Variants in ZNF461 observed in about 807,000 individuals in gnomAD.
The protein encoded by ZNF461 is zinc finger protein 461, also known as gonadotropin-inducible ovarian transcription factor-1.
ZNF461 carries 16 observed loss-of-function variants against 18.3 expected under a neutral mutation model. That is an observed-to-expected ratio of 0.88 (90% confidence interval 0.59 to 1.33). The LOEUF (loss-of-function observed/expected upper bound fraction) is 1.33, where lower values mean the gene tolerates loss of function less well. ZNF461 is among the 40% of genes most tolerant of loss of function. The pLI is 0.00. For missense variants in ZNF461, 595 were observed against 669.9 expected (o/e 0.89, Z 1.23); for synonymous variants, 179 against 216.9 (o/e 0.83, Z 1.54).
At chr19:36,657,355 C>A (rs143910171) in intron 3 of ZNF461, among the ~76,000 whole-genome samples, 1 of 151,848 alleles carries the variant, frequency 6.6e-6, no homozygotes, top group African/African-American at 2.4e-5. Context: ...GTGGCGGGCA[C>A]CTGTAATCCC....
In ZNF461 at chr19:36,643,863, C is replaced by G. The variant is rs532093520; in HGVS notation, c.233-1G>C. On this transcript the variant is annotated splice_acceptor_variant, in intron 4 of 5. Coordinates refer to ENST00000588268, the MANE Select transcript of ZNF461 (RefSeq NM_153257.5). LOFTEE classifies it high-confidence loss of function. ...TGAAATCCCCAAGTTTTCCATGTAC[C>G]TACATGGAAACAAAAGAATAAATAC... 2.7e-6 allele frequency: 4 copies of G among 1,508,636 alleles called. No homozygotes were observed. Among genetic ancestry groups the G allele is most frequent in the East Asian group, 2.5e-5 (1 of 39,760 alleles). The allele number at this position is 1,508,636 out of a possible 1,614,324, so 93.5% of individuals were successfully genotyped here.
chr19:36,644,354 C>T (rs2037483300), intron 4 of ZNF461, among the ~76,000 whole-genome samples: 1 of 151,668 alleles, frequency 6.6e-6, no homozygotes, highest in Admixed American at 6.6e-5. Flanking sequence ...CTGCAACCTC[C>T]ACTTCCCAGG....
intron 1 of ZNF461, among the ~76,000 whole-genome samples, chr19:36,666,180 C>T (rs1463784111): frequency 1.3e-5 from 2 of 151,592 alleles, no homozygotes; most frequent in East Asian, 1.9e-4. Context: ...CAGCAACCTC[C>T]GCCTCCCGGG....
intron 3 of ZNF461, among the ~76,000 whole-genome samples, chr19:36,656,876 A>G (rs572361498): frequency 1.3e-5 from 2 of 151,236 alleles, no homozygotes; most frequent in Non-Finnish European, 2.9e-5. Context: ...CTGGAGTGCA[A>G]TGGCACAATC....
intron 2 of ZNF461, among the ~76,000 whole-genome samples, chr19:36,664,491 A>T (rs2037869331): frequency 6.6e-6 from 1 of 151,810 alleles, no homozygotes; most frequent in Non-Finnish European, 1.5e-5. Flanking sequence ...GGGAGGCTGA[A>T]GTGGGAGAAT....
chr19:36,640,055 G>T lies in ZNF461; in HGVS notation c.302-12C>A. The T allele has an allele frequency of 6.3e-7, 1 of 1,584,300 alleles. No homozygotes were observed. ...TCTGGATGCCAAGTCTGAAAGATAAGAAATATATTTTAACTCCTGGTTTTG... is the reference window on the plus strand; with the variant it reads ...TCTGGATGCCAAGTCTGAAAGATAATAAATATATTTTAACTCCTGGTTTTG... On this transcript the variant is annotated splice_polypyrimidine_tract_variant and intron_variant, in intron 5 of 5. Transcript: ENST00000588268.
chr19:36,663,654 T>C (rs773597475), intron 2 of ZNF461, among the ~76,000 whole-genome samples: 11 of 151,206 alleles, frequency 7.3e-5, no homozygotes, highest in Non-Finnish European at 1.0e-4. Flanking sequence ...GCCTCTCGAG[T>C]AGCTAGGACT....
At chr19:36,656,383 G>T in intron 4 of ZNF461, 65 bp downstream of exon 4, 1 of 1,332,464 alleles carries the variant, frequency 7.5e-7, no homozygotes, top group Non-Finnish European at 1.1e-6. Flanking sequence ...AAATAAACTT[G>T]CCAGCCCAAC....
At chr19:36,656,309 C>T (rs868256116) in intron 4 of ZNF461, 139 bp downstream of exon 4, 8 of 751,628 alleles carry the variant, frequency 1.1e-5, no homozygotes, top group Middle Eastern at 5.3e-4. Context: ...GCCAGTACCA[C>T]ACTGTTTGAT....
At chr19:36,644,907 T>G (rs2037497199) in intron 4 of ZNF461, among the ~76,000 whole-genome samples, 1 of 151,972 alleles carries the variant, frequency 6.6e-6, no homozygotes, top group Non-Finnish European at 1.5e-5. Context: ...AGGTTTATTT[T>G]TTGAGACTAC....
At chr19:36,665,616 G>A (rs888726018) in intron 1 of ZNF461, among the ~76,000 whole-genome samples, 3 of 150,094 alleles carry the variant, frequency 2.0e-5, no homozygotes, top group Non-Finnish European at 2.9e-5. Flanking sequence ...GGCTGAGGCA[G>A]GAGAACTGCT....
intron 2 of ZNF461, 36 bp downstream of exon 2, chr19:36,664,662 A>G: frequency 6.7e-7 from 1 of 1,498,692 alleles, no homozygotes; most frequent in Non-Finnish European, 8.9e-7. Flanking sequence ...CAAAAAATCA[A>G]GTATTGTAAT....
At chr19:36,653,720 A>G (rs1461119517) in intron 4 of ZNF461, among the ~76,000 whole-genome samples, 2 of 152,128 alleles carry the variant, frequency 1.3e-5, no homozygotes, top group Admixed American at 6.6e-5. Context: ...TGATTCAATT[A>G]TTTCCCACCT....
At chr19:36,650,735 C>T (rs958612159) in intron 4 of ZNF461, among the ~76,000 whole-genome samples, 21 of 151,634 alleles carry the variant, frequency 1.4e-4, no homozygotes, top group Middle Eastern at 3.4e-3. Context: ...GCATAATATA[C>T]CATGACTAAG....
rs1403015398 is a variant in ZNF461, at chr19:36,636,760, G to A, written c.*1893C>T. Among the ~76,000 whole-genome samples, 1 of 152,196 alleles carries A rather than the reference G, an allele frequency of 6.6e-6. No homozygotes were observed. The highest frequency in any genetic ancestry group is 6.5e-5 in the Admixed American group (1 of 15,286). On this transcript the variant is annotated 3_prime_UTR_variant, in exon 6 of 6. Coordinates refer to ENST00000588268, the MANE Select transcript of ZNF461 (RefSeq NM_153257.5). ...TGTTCAGGGGTGAAACAGTGAAAGGGGGGCAATGGCAGTTTAGGTACATTT... is the reference window on the plus strand; with the variant it reads ...TGTTCAGGGGTGAAACAGTGAAAGGAGGGCAATGGCAGTTTAGGTACATTT...
intron 4 of ZNF461, among the ~76,000 whole-genome samples, chr19:36,651,105 C>T (rs1222728922): frequency 6.6e-6 from 1 of 151,834 alleles, no homozygotes; most frequent in African/African-American, 2.4e-5. Flanking sequence ...GTGGCAGACG[C>T]CTGTAGTGCC....
intron 2 of ZNF461, among the ~76,000 whole-genome samples, chr19:36,663,743 T>G (rs1870509879): frequency 6.6e-6 from 1 of 151,990 alleles, no homozygotes; most frequent in Non-Finnish European, 1.5e-5. Context: ...TTGCCTAGAC[T>G]GGTCTGGAAC....
intron 5 of ZNF461, among the ~76,000 whole-genome samples, chr19:36,642,568 C>T (rs2037444633): frequency 6.6e-6 from 1 of 152,036 alleles, no homozygotes; most frequent in African/African-American, 2.4e-5. Flanking sequence ...TGAGCATATG[C>T]CAGGCACAAG....
intron 1 of ZNF461, among the ~76,000 whole-genome samples, chr19:36,666,002 G>C (rs770471561): frequency 6.6e-6 from 1 of 152,082 alleles, no homozygotes; most frequent in Admixed American, 6.6e-5. Flanking sequence ...GTGAATGTGC[G>C]TGTGTCTGTG....
Sources: gnomAD v4.1 joint callset for allele counts (sites outside exome capture counted in the v4.1 genomes callset) on GRCh38, gnomAD v4.1.1 for gene constraint, MANE v1.5 for transcripts, NCBI Gene and HGNC (gene_info 2026-07-23, HGNC 2026-07-21) for gene names.